The following RRM2 variants were observed in gnomAD, a reference collection of about 807,000 sequenced individuals.
The protein encoded by RRM2 is ribonucleotide reductase regulatory subunit M2, also known as ribonucleoside-diphosphate reductase subunit M2.
Under a neutral mutation model 45.9 loss-of-function variants are expected in RRM2, and 6 were observed. The observed-to-expected ratio is 0.13, with a 90% CI of 0.07 to 0.26. The LOEUF is 0.26. RRM2 is among the 10% of genes least tolerant of loss of function. The pLI, the probability that RRM2 is intolerant of heterozygous loss-of-function variation, is 1.00. For synonymous variants in RRM2, 177 were observed against 173.0 expected, an observed-to-expected ratio of 1.02 and a Z score of -0.18; for missense variants, 343 against 489.5, an observed-to-expected ratio of 0.70 and a Z score of 2.82.
At chr2:10,139,687 T>G (rs1410464588), upstream of RRM2, among the ~76,000 whole-genome samples, 1 of 152,180 alleles carries the variant, frequency 6.6e-6, no homozygotes, top group Non-Finnish European at 1.5e-5. Flanking sequence ...TTGCTCTGTT[T>G]GGGGCGTTTC....
At chr2:10,152,590 C>T (rs914660185) in intron 3 of RRM2, among the ~76,000 whole-genome samples, 3 of 151,536 alleles carry the variant, frequency 2.0e-5, no homozygotes, top group Admixed American at 1.3e-4. Flanking sequence ...TCAAGCAGTT[C>T]TCCCACCTCA....
chr2:10,127,417 T>A lies in RRM2; in HGVS notation c.798+197T>A. On this transcript the variant is annotated intron_variant, in intron 7 of 9. Transcript: ENST00000304567. This position sits in a 1 kb window ranked among gnomAD's most constrained non-coding sequence, Gnocchi z 4.1. The stretch of plus-strand genomic sequence containing the variant: ...CTGTTTTACTTGCATTCTCAATATA[T>A]TGTAATACATTTGTACATATGTATT... The A allele has an allele frequency of 1.7e-6, 1 of 597,584 alleles. No individual in the cohort carries two copies. The highest frequency in any genetic ancestry group is 2.9e-6 in the Non-Finnish European group (1 of 340,632). The allele number at this position is 597,584 out of a possible 1,614,324, so 37.0% of individuals were successfully genotyped here. A position where few individuals can be genotyped will look rare whatever the true frequency, so the allele number is the denominator to read the frequency against.
chr2:10,126,860 G>A lies in RRM2; in HGVS notation c.570-15G>A, dbSNP rs773218950. 10 of 1,602,654 alleles carry A rather than the reference G, an allele frequency of 6.2e-6. No homozygotes were observed. The highest frequency in any genetic ancestry group is 1.7e-4 in the Middle Eastern group (1 of 5,946). On this transcript the variant is annotated splice_polypyrimidine_tract_variant and intron_variant, in intron 5 of 9. Coordinates refer to ENST00000304567, the MANE Select transcript of RRM2 (RefSeq NM_001034.4). ...CTGTAATGCTTCAATTGCTGATACCGTATGTGCCTACTAGGGAATTTCTCT... is the reference window on the plus strand; with the variant it reads ...CTGTAATGCTTCAATTGCTGATACCATATGTGCCTACTAGGGAATTTCTCT...
intron 3 of RRM2, among the ~76,000 whole-genome samples, chr2:10,147,305 C>G (rs1001170375): frequency 1.3e-5 from 2 of 151,576 alleles, no homozygotes; most frequent in African/African-American, 4.9e-5. Flanking sequence ...GTTTTTGAGA[C>G]AGAATCTCAC....
intron 3 of RRM2, among the ~76,000 whole-genome samples, chr2:10,154,759 G>A (rs373228738): frequency 1.2e-4 from 17 of 143,756 alleles, no homozygotes; most frequent in Non-Finnish European, 2.1e-4. Context: ...GCAGTGGCGC[G>A]ATCTCGGCTC....
chr2:10,148,989 G>A (rs911179469), intron 3 of RRM2, among the ~76,000 whole-genome samples: 4 of 152,024 alleles, frequency 2.6e-5, no homozygotes, highest in South Asian at 2.1e-4. Flanking sequence ...GCTCCTCTGC[G>A]CACCTTTCCA....
At chr2:10,156,756 A>T (rs963201195) in intron 3 of RRM2, among the ~76,000 whole-genome samples, 2 of 152,132 alleles carry the variant, frequency 1.3e-5, no homozygotes, top group Admixed American at 1.3e-4. Context: ...CTCCTACCTC[A>T]GCCTCCTGAG....
chr2:10,183,916 T>C (rs377752398), intron 3 of RRM2, among the ~76,000 whole-genome samples: 128 of 151,410 alleles, frequency 8.5e-4, no homozygotes, highest in East Asian at 1.2e-3. Context: ...GGTGAAACCC[T>C]GTCTCTACTA....
chr2:10,208,001 C>T (rs1317845147), intron 3 of RRM2, among the ~76,000 whole-genome samples: 1 of 151,814 alleles, frequency 6.6e-6, no homozygotes, highest in Non-Finnish European at 1.5e-5. Context: ...ATTTGAAATT[C>T]TAGAATAAGC....
At chr2:10,124,108 CTT>C (rs35723300) in intron 4 of RRM2, 18,581 of 249,166 alleles carry the variant, frequency 0.075, no homozygotes, top group South Asian at 0.11. Context: ...TCTGCCCCCT[CTT>C]TTTTTTTTTT....
rs1244531491 is a variant in RRM2 at position 10,172,501 on chromosome 2, C to G, written n.482+30126C>G. On this transcript the variant is annotated intron_variant and non_coding_transcript_variant, in intron 3 of 3. Coordinates refer to the RRM2 transcript ENST00000381786. The surrounding 1 kb of genome is among the most constrained non-coding windows in gnomAD (Gnocchi z 4.9). ...TTTGTTTTTAGTTCAATTTTGTGAGCAGAATGCTCCTGGGGCCAATAGATT... is the reference window on the plus strand; with the variant it reads ...TTTGTTTTTAGTTCAATTTTGTGAGGAGAATGCTCCTGGGGCCAATAGATT... Among the ~76,000 whole-genome samples, 1 of 152,088 alleles carries G rather than the reference C, an allele frequency of 6.6e-6. No individual in the cohort carries two copies. The highest frequency in any genetic ancestry group is 1.5e-5 in the Non-Finnish European group (1 of 68,016).
At chr2:10,155,521 T>C (rs1315266098) in intron 3 of RRM2, 1 of 152,480 alleles carries the variant, frequency 6.6e-6, no homozygotes, top group Non-Finnish European at 1.5e-5. Flanking sequence ...CCTGGTTTCG[T>C]TACTATGAAA....
intron 2 of RRM2, chr2:10,142,075 TG>T (rs2125312071): frequency 6.3e-7 from 1 of 1,596,806 alleles, no homozygotes; most frequent in Non-Finnish European, 8.6e-7. Flanking sequence ...ATCGACCACG[TG>T]GTTAGGGGAG....
intron 3 of RRM2, among the ~76,000 whole-genome samples, chr2:10,196,607 G>A (rs1664420636): frequency 6.6e-6 from 1 of 152,222 alleles, no homozygotes; most frequent in African/African-American, 2.4e-5. Flanking sequence ...CCCTCTGTGT[G>A]TGGATCCCAT....
At chr2:10,163,941 A>G (rs1009450515) in intron 3 of RRM2, among the ~76,000 whole-genome samples, 18 of 152,136 alleles carry the variant, frequency 1.2e-4, no homozygotes, top group African/African-American at 4.3e-4. Flanking sequence ...TGTTCTTCCT[A>G]TGGCATCAGG....
chr2:10,161,680 T>TCA (rs59307518), intron 3 of RRM2, among the ~76,000 whole-genome samples: 267 of 149,766 alleles, frequency 1.8e-3, no homozygotes, highest in Middle Eastern at 3.4e-3. Flanking sequence ...ACACACACAT[T>TCA]CACACACACA....
intron 3 of RRM2, among the ~76,000 whole-genome samples, chr2:10,190,957 G>A (rs1034170238): frequency 2.0e-5 from 3 of 152,158 alleles, no homozygotes; most frequent in African/African-American, 7.2e-5. Flanking sequence ...TCTTGCCTGA[G>A]CTCCACTGTG....
intron 3 of RRM2, among the ~76,000 whole-genome samples, chr2:10,177,388 T>A (rs1663939303): frequency 6.6e-6 from 1 of 152,220 alleles, no homozygotes; most frequent in Admixed American, 6.5e-5. Flanking sequence ...TTTGAGATAA[T>A]GATAGATTCC....
At chr2:10,198,328 C>A (rs1296433358) in intron 3 of RRM2, among the ~76,000 whole-genome samples, 1 of 152,132 alleles carries the variant, frequency 6.6e-6, no homozygotes, top group African/African-American at 2.4e-5. Flanking sequence ...GTGTTCTAAT[C>A]CTGGGAGAAG....
Sources: gnomAD v4.1 joint callset for allele counts (sites outside exome capture counted in the v4.1 genomes callset) on GRCh38, gnomAD v4.1.1 for gene constraint, Gnocchi (gnomAD v3.1) non-coding constraint, MANE v1.5 for transcripts, NCBI Gene and HGNC (gene_info 2026-07-23, HGNC 2026-07-21) for gene names.